PACRG: variants seen among roughly 807,000 people sequenced by gnomAD.
PACRG encodes the protein parkin coregulated gene protein.
A neutral mutation model predicts 29.7 loss-of-function variants in PACRG; 29 were observed. The ratio of observed to expected loss-of-function variants is 0.98; its 90% CI spans 0.73 to 1.33. The LOEUF (loss-of-function observed/expected upper bound fraction) is 1.33, where lower values mean the gene tolerates loss of function less well. Ranked by LOEUF, PACRG falls within the 40% of genes most tolerant of loss-of-function variation. The pLI is 0.00. For missense variants in PACRG, 279 were observed against 316.2 expected (o/e 0.88, Z 0.89); for synonymous variants, 116 against 118.7 (o/e 0.98, Z 0.15).
At chr6:163,264,166 G>GTAAC (rs1236589004) in intron 4 of PACRG, among the ~76,000 whole-genome samples, 1 of 152,282 alleles carries the variant, frequency 6.6e-6, no homozygotes, top group East Asian at 1.9e-4. Flanking sequence ...ATCGGGGAAT[G>GTAAC]TAACTTCTCA....
At chr6:163,243,911 G>A (rs1434437242) in intron 4 of PACRG, among the ~76,000 whole-genome samples, 2 of 152,188 alleles carry the variant, frequency 1.3e-5, no homozygotes, top group African/African-American at 4.8e-5. Flanking sequence ...GTCCGTGATT[G>A]ATGGTGTCTG....
At chr6:162,780,170 A>G (rs1343240515) in intron 1 of PACRG, among the ~76,000 whole-genome samples, 4 of 152,328 alleles carry the variant, frequency 2.6e-5, no homozygotes, top group East Asian at 3.9e-4. Context: ...TCAAGGCTCA[A>G]CAAAGTAAGA....
In PACRG at chr6:162,835,146, A is replaced by T. The variant is rs1020641417; in HGVS notation, c.291+20865A>T. Among the ~76,000 whole-genome samples the T allele has an allele frequency of 9.2e-5, 14 of 152,014 alleles. No individual in the cohort carries two copies. In the East Asian group the frequency reaches 2.5e-3, roughly 27 times the overall value. ...AGCTAAACTATATTATTTTTTCATT[A>T]TCTTAGTCTTTCTTTTCTGATGATG... On this transcript the variant is annotated intron_variant, in intron 2 of 4. Coordinates refer to ENST00000366888, the MANE Select transcript of PACRG (RefSeq NM_001080379.2).
intron 4 of PACRG, among the ~76,000 whole-genome samples, chr6:163,092,401 GC>G (rs1296698503): frequency 2.0e-5 from 3 of 151,678 alleles, no homozygotes; most frequent in Admixed American, 1.3e-4. Flanking sequence ...ACCAATTCAG[GC>G]CCCATCTACA....
At chr6:162,736,692 C>G (rs1780191122) in intron 1 of PACRG, among the ~76,000 whole-genome samples, 1 of 150,336 alleles carries the variant, frequency 6.7e-6, no homozygotes, top group Admixed American at 6.7e-5. Flanking sequence ...AAGTTCTATT[C>G]ATTATATACA....
intron 1 of PACRG, among the ~76,000 whole-genome samples, chr6:162,732,527 A>G (rs774346514): frequency 6.6e-6 from 1 of 152,194 alleles, no homozygotes; most frequent in Non-Finnish European, 1.5e-5. Flanking sequence ...GCCAAGGAAT[A>G]TTGGGGGATA....
chr6:162,918,184 G>A (rs1216437865), intron 2 of PACRG, among the ~76,000 whole-genome samples: 1 of 152,058 alleles, frequency 6.6e-6, no homozygotes, highest in East Asian at 1.9e-4. Context: ...TAAGCTTCCT[G>A]GATTAAATTC....
intron 4 of PACRG, among the ~76,000 whole-genome samples, chr6:163,303,472 C>T (rs1785078998): frequency 6.6e-6 from 1 of 152,160 alleles, no homozygotes; most frequent in Admixed American, 6.5e-5. Context: ...CAGGCTGGCT[C>T]ATTTTTAAAA....
chr6:162,869,140 G>C (rs1792581056), intron 2 of PACRG, among the ~76,000 whole-genome samples: 1 of 152,142 alleles, frequency 6.6e-6, no homozygotes, highest in Non-Finnish European at 1.5e-5. Flanking sequence ...AGCAGCAAAG[G>C]CAAATCCCAA....
At chr6:163,293,481 A>G (rs1784684756) in intron 4 of PACRG, among the ~76,000 whole-genome samples, 2 of 152,206 alleles carry the variant, frequency 1.3e-5, no homozygotes, top group African/African-American at 4.8e-5. Context: ...GTATAACCAC[A>G]AGGCAGCTGT....
chr6:163,226,177 T>C (rs1313279286), intron 4 of PACRG, among the ~76,000 whole-genome samples: 1 of 152,036 alleles, frequency 6.6e-6, no homozygotes, highest in Non-Finnish European at 1.5e-5. Context: ...AAGCAGAGAG[T>C]AGAACGGTGT....
chr6:163,045,469 C>T (rs1488756419), intron 2 of PACRG, among the ~76,000 whole-genome samples: 13 of 151,946 alleles, frequency 8.6e-5, no homozygotes, highest in African/African-American at 1.9e-4. Context: ...GGATTACAGG[C>T]GCCCGTCAAC....
intron 4 of PACRG, among the ~76,000 whole-genome samples, chr6:163,276,638 G>A (rs1270248365): frequency 6.6e-6 from 1 of 152,210 alleles, no homozygotes; most frequent in Non-Finnish European, 1.5e-5. Flanking sequence ...CCAACGCAAA[G>A]TATTAAGAAG....
intron 1 of PACRG, among the ~76,000 whole-genome samples, chr6:162,767,145 C>T (rs1391563870): frequency 1.3e-5 from 2 of 151,716 alleles, no homozygotes; most frequent in Non-Finnish European, 2.9e-5. Context: ...AAGAATGTAA[C>T]GTTATTGAAT....
At chr6:162,997,815 C>T (rs1804217199) in intron 2 of PACRG, among the ~76,000 whole-genome samples, 2 of 152,334 alleles carry the variant, frequency 1.3e-5, no homozygotes, top group Admixed American at 1.3e-4. Flanking sequence ...TATGTCTTCT[C>T]TTCAGTGAAA....
At chr6:163,307,825 C>T (rs13200159) in intron 4 of PACRG, among the ~76,000 whole-genome samples, 12,253 of 152,242 alleles carry the variant, frequency 0.08, 535 homozygotes, top group Non-Finnish European at 0.098. Context: ...TTCTCTTACT[C>T]ATTGTTTAAA....
chr6:162,917,068 A>G (rs751935454), intron 2 of PACRG, among the ~76,000 whole-genome samples: 1 of 152,048 alleles, frequency 6.6e-6, no homozygotes, highest in African/African-American at 2.4e-5. Flanking sequence ...GGGCCTTGCA[A>G]GTTGTGCTGT....
intron 2 of PACRG, among the ~76,000 whole-genome samples, chr6:163,043,449 G>C (rs1254676734): frequency 1.3e-5 from 2 of 152,110 alleles, no homozygotes; most frequent in Non-Finnish European, 2.9e-5. Flanking sequence ...CTACTTGGGG[G>C]GCTGAGGCAG....
At chr6:163,230,937 A>G (rs914623260) in intron 4 of PACRG, among the ~76,000 whole-genome samples, 5 of 152,218 alleles carry the variant, frequency 3.3e-5, no homozygotes, top group African/African-American at 1.2e-4. Context: ...GCCTCGTGAA[A>G]GAAGCCTGCG....
Sources: allele counts gnomAD v4.1 joint callset (sites outside exome capture counted in the v4.1 genomes callset), GRCh38; gene constraint gnomAD v4.1.1; transcripts MANE v1.5; gene names NCBI Gene and HGNC (gene_info 2026-07-23, HGNC 2026-07-21).